Variants in NME5 observed in about 807,000 individuals in gnomAD.
The protein encoded by NME5 is nucleoside diphosphate kinase 5.
A neutral mutation model predicts 21.6 loss-of-function variants in NME5; 18 were observed. That is an observed-to-expected ratio of 0.83 (90% CI 0.58 to 1.24). NME5 has a LOEUF of 1.24. Among genes scored for constraint, NME5 ranks in the 50% most tolerant of loss-of-function variants. The pLI, the probability that NME5 is intolerant of heterozygous loss-of-function variation, is 0.00. For missense variants in NME5, 223 were observed against 255.4 expected, an observed-to-expected ratio of 0.87 and a Z score of 0.86; for synonymous variants, 70 against 80.6, an observed-to-expected ratio of 0.87 and a Z score of 0.71.
At chr5:138,119,536 T>C (rs1751236932) in intron 4 of NME5, among the ~76,000 whole-genome samples, 1 of 152,182 alleles carries the variant, frequency 6.6e-6, no homozygotes, top group Non-Finnish European at 1.5e-5. Flanking sequence ...GGTTTCACCA[T>C]GTTGGCCAGG....
intron 5 of NME5, among the ~76,000 whole-genome samples, chr5:138,117,793 G>A (rs1024267100): frequency 1.3e-5 from 2 of 152,044 alleles, no homozygotes; most frequent in African/African-American, 2.4e-5. Context: ...GACCAGCCTG[G>A]CCAACATGAA....
intron 4 of NME5, among the ~76,000 whole-genome samples, chr5:138,121,077 A>C (rs748629674): frequency 8.5e-5 from 13 of 152,052 alleles, no homozygotes; most frequent in Non-Finnish European, 1.3e-4. Flanking sequence ...TTGTAGTCCT[A>C]GCTCCTTGAG....
At chr5:138,138,846 C>T (rs757654143) in intron 1 of NME5, 61 bp from the exon 2 acceptor site, 16 of 1,459,068 alleles carry the variant, frequency 1.1e-5, no homozygotes, top group Non-Finnish European at 1.4e-5. Flanking sequence ...CATGCATTTC[C>T]CCCCACCCCC....
At chr5:138,116,972 C>T (rs1421572516) in intron 5 of NME5, among the ~76,000 whole-genome samples, 1 of 151,670 alleles carries the variant, frequency 6.6e-6, no homozygotes, top group Non-Finnish European at 1.5e-5. Context: ...CTTTTGGAGG[C>T]CGAGGTAGGA....
intron 2 of NME5, among the ~76,000 whole-genome samples, chr5:138,134,000 C>T (rs1751632815): frequency 6.6e-6 from 1 of 152,222 alleles, no homozygotes; most frequent in Non-Finnish European, 1.5e-5. Flanking sequence ...GTATATTTTA[C>T]CGCAATTAAA....
chr5:138,121,553 C>A (rs866631409), intron 4 of NME5, among the ~76,000 whole-genome samples: 3 of 152,190 alleles, frequency 2.0e-5, no homozygotes, highest in African/African-American at 7.2e-5. Context: ...CAAGACCATC[C>A]TTTTCTCACT....
intron 4 of NME5, chr5:138,123,142 T>C (rs1353611626): frequency 1.3e-5 from 2 of 152,196 alleles, no homozygotes; most frequent in African/African-American, 4.8e-5. Flanking sequence ...AGAAATATTG[T>C]ATACATTTAT....
chr5:138,137,709 C>T (rs1202693103), intron 2 of NME5, among the ~76,000 whole-genome samples: 1 of 151,542 alleles, frequency 6.6e-6, no homozygotes, highest in Non-Finnish European at 1.5e-5. Context: ...AATGAGAATA[C>T]TGTAAAAGAG....
At chr5:138,117,664 T>C (rs897980085) in intron 5 of NME5, among the ~76,000 whole-genome samples, 8 of 151,786 alleles carry the variant, frequency 5.3e-5, no homozygotes, top group Non-Finnish European at 5.9e-5. Context: ...CCATTTTGTG[T>C]TATCTACTAG....
intron 2 of NME5, among the ~76,000 whole-genome samples, chr5:138,133,438 A>T (rs1751620719): frequency 6.6e-6 from 1 of 152,026 alleles, no homozygotes; most frequent in South Asian, 2.1e-4. Context: ...ATTGATACTA[A>T]ATCAATTATT....
intron 5 of NME5, among the ~76,000 whole-genome samples, chr5:138,118,497 T>C (rs766866186): frequency 7.5e-5 from 11 of 147,418 alleles, no homozygotes; most frequent in Non-Finnish European, 1.2e-4. Context: ...AAAAAAATTT[T>C]TTTTTTGAGA....
chr5:138,137,378 C>T (rs1239811514), intron 2 of NME5, among the ~76,000 whole-genome samples: 2 of 151,868 alleles, frequency 1.3e-5, no homozygotes, highest in East Asian at 1.9e-4. Flanking sequence ...AGTACAATGG[C>T]GTAGTCTTGG....
intron 4 of NME5, among the ~76,000 whole-genome samples, chr5:138,119,333 G>A (rs1447248353): frequency 6.6e-6 from 1 of 152,094 alleles, no homozygotes; most frequent in Non-Finnish European, 1.5e-5. Flanking sequence ...AGCCTCCTAA[G>A]TAGACAGGAG....
chr5:138,129,136 C>G (rs555292336), intron 3 of NME5, 127 bp downstream of exon 3: 14 of 745,044 alleles, frequency 1.9e-5, no homozygotes, highest in African/African-American at 1.6e-4. Flanking sequence ...CTCTGCCCCC[C>G]AAAAAAGTTG....
At chr5:138,139,009 T>C (rs567510409) in intron 1 of NME5, 3 of 391,018 alleles carry the variant, frequency 7.7e-6, no homozygotes, top group African/African-American at 4.2e-5. Flanking sequence ...GCTTTTCGTA[T>C]ACGATGTCAC....
At chr5:138,136,741 C>G (rs997534630) in intron 2 of NME5, among the ~76,000 whole-genome samples, 4 of 151,992 alleles carry the variant, frequency 2.6e-5, no homozygotes, top group African/African-American at 9.7e-5. Context: ...CTCCCATGTT[C>G]AAGCGATTCT....
At chr5:138,136,485 T>G (rs1282512139) in intron 2 of NME5, among the ~76,000 whole-genome samples, 1 of 152,148 alleles carries the variant, frequency 6.6e-6, no homozygotes, top group East Asian at 1.9e-4. Context: ...TTCTACTAAT[T>G]TATTTTTATC....
Position 138,138,753 on chromosome 5 carries a change from T to A in NME5, c.28A>T (p.Ile10Leu). Residue 10 changes from isoleucine (I) to leucine (L), a missense_variant, in exon 2 of 6, where the codon ATA becomes TTA. Ile to Leu is a conservative substitution (Grantham distance 5). Coordinates refer to ENST00000265191, the MANE Select transcript of NME5 (RefSeq NM_003551.3). The stretch of plus-strand genomic sequence containing the variant: ...ATGGCCAGAGTTTTTTCTACATATA[T>A]CTGAGGTGGAGGCATTGATATCTCC... The part of the protein sequence containing the change: MEISMPPPQ[I>L]YVEKTLAIIK... 3 of 1,612,626 alleles carry A rather than the reference T, an allele frequency of 1.9e-6. No individual in the cohort carries two copies. Among genetic ancestry groups the A allele is most frequent in the South Asian group, 1.1e-5 (1 of 90,860 alleles).
chr5:138,121,935 C>T (rs955345103), intron 4 of NME5, among the ~76,000 whole-genome samples: 7 of 151,944 alleles, frequency 4.6e-5, no homozygotes, highest in African/African-American at 1.2e-4. Context: ...TGAAGCAATC[C>T]TTCTGCCTCA....
Sources: allele counts gnomAD v4.1 joint callset (sites outside exome capture counted in the v4.1 genomes callset), GRCh38; gene constraint gnomAD v4.1.1; transcripts MANE v1.5; gene names NCBI Gene and HGNC (gene_info 2026-07-23, HGNC 2026-07-21).